Variants in SUDS3 observed in about 807,000 individuals in gnomAD.
The protein encoded by SUDS3 is SIN3A corepressor complex component SDS3.
Under a neutral mutation model 53.5 loss-of-function variants are expected in SUDS3, and 23 were observed. The ratio of observed to expected loss-of-function variants is 0.43; its 90% confidence interval spans 0.31 to 0.61. SUDS3 has a LOEUF of 0.61. Ranked by LOEUF, SUDS3 falls within the 20% of genes least tolerant of loss-of-function variation. SUDS3 has a pLI of 0.10. For missense variants in SUDS3, 291 were observed against 405.9 expected, an observed-to-expected ratio of 0.72 and a Z score of 2.43; for synonymous variants, 150 against 148.5, an observed-to-expected ratio of 1.01 and a Z score of -0.08.
chr12:118,394,097 A>G (rs1322313393), intron 6 of SUDS3, among the ~76,000 whole-genome samples: 1 of 152,228 alleles, frequency 6.6e-6, no homozygotes, highest in Non-Finnish European at 1.5e-5. Context: ...TGAGCCAAGC[A>G]TTACATAAAT....
chr12:118,391,051 A>G (rs773810477), intron 5 of SUDS3, 75 bp from the exon 6 acceptor site: 15 of 1,549,614 alleles, frequency 9.7e-6, no homozygotes, highest in Non-Finnish European at 8.9e-7. Flanking sequence ...GCAGTTGAGG[A>G]CAGGGCTAGA....
Position 118,417,494 on chromosome 12 carries a change from C to G in SUDS3, c.*3061C>G, listed in dbSNP as rs1454034288. On this transcript the variant is annotated 3_prime_UTR_variant, in exon 12 of 12. Coordinates refer to ENST00000543473, the MANE Select transcript of SUDS3 (RefSeq NM_022491.3). ...TCCTGATTAATTTTTTTTTTCTCAT[C>G]TGGGAATTTGAAATCTCGGTGCTTA... 5 of 150,278 alleles carry G rather than the reference C, an allele frequency of 3.3e-5. No homozygotes were observed. Among genetic ancestry groups the G allele is most frequent in the Non-Finnish European group, 5.9e-5 (4 of 67,656 alleles). 9.3% of individuals were successfully genotyped at this position (150,278 alleles called of 1,614,324 possible). A position where few individuals can be genotyped will look rare whatever the true frequency, so the allele number is the denominator to read the frequency against.
chr12:118,411,204 C>T (rs199902691), intron 11 of SUDS3, 47 bp downstream of exon 11: 56 of 1,526,948 alleles, frequency 3.7e-5, no homozygotes, highest in Non-Finnish European at 4.5e-5. Context: ...ATGTGTACTG[C>T]GAAGTGTTGG....
At chr12:118,381,572 G>A (rs531400860) in intron 2 of SUDS3, among the ~76,000 whole-genome samples, 1 of 152,166 alleles carries the variant, frequency 6.6e-6, no homozygotes, top group South Asian at 2.1e-4. Flanking sequence ...TTTTAATAGA[G>A]ACGGGGTTTC....
rs1403449959 is a variant in SUDS3, at chr12:118,417,842, T to A, written c.*3409T>A. 1 of 152,194 alleles carries A rather than the reference T, an allele frequency of 6.6e-6. No homozygotes were observed. Among genetic ancestry groups the A allele is most frequent in the Non-Finnish European group, 1.5e-5 (1 of 68,038 alleles). The allele number at this position is 152,194 out of a possible 1,614,324, so 9.4% of individuals were successfully genotyped here. A position where few individuals can be genotyped will look rare whatever the true frequency, so the allele number is the denominator to read the frequency against. On this transcript the variant is annotated 3_prime_UTR_variant, in exon 12 of 12. Coordinates refer to ENST00000543473, the MANE Select transcript of SUDS3 (RefSeq NM_022491.3). ...GGCAGAGGAAGGGATATTCTAGACA[T>A]TTAATTCTTAGTGAAGACTAAGATA...
Position 118,415,924 on chromosome 12 carries a change from C to T in SUDS3, c.*1491C>T, listed in dbSNP as rs2046396722. 1 of 148,548 alleles carries T rather than the reference C, an allele frequency of 6.7e-6. No homozygotes were observed. Among genetic ancestry groups the T allele is most frequent in the South Asian group, 2.2e-4 (1 of 4,586 alleles). 9.2% of individuals were successfully genotyped at this position (148,548 alleles called of 1,614,324 possible). On this transcript the variant is annotated 3_prime_UTR_variant, in exon 12 of 12. Coordinates refer to ENST00000543473, the MANE Select transcript of SUDS3 (RefSeq NM_022491.3). ...GTTTTAACTTACAATCCGTTTTTTC[C>T]TCTTTTTTTTTTTTTTTTCTGGTGT...
At position 118,391,154 on chromosome 12, in the gene SUDS3, A is replaced by C; in HGVS notation, c.389A>C (p.Lys130Thr). 2 of 1,613,602 alleles carry C rather than the reference A, an allele frequency of 1.2e-6. No homozygotes were observed. The highest frequency in any genetic ancestry group is 1.3e-5 in the African/African-American group (1 of 74,956). ...ETEQVERNYI[K>T]EKKAAVKEFE... Reference sequence around the variant, plus strand: ...GAACAAGTGGAACGAAATTACATTAAAGAAAAGAAGGCAGCAGTGAAAGAA... The same window carrying C: ...GAACAAGTGGAACGAAATTACATTACAGAAAAGAAGGCAGCAGTGAAAGAA... The change falls in exon 6 of 12, where the codon AAA (lysine) becomes ACA (threonine). Residue 130 changes from lysine to threonine, a missense_variant. Transcript: ENST00000543473.
chr12:118,398,062 A>G (rs1177050897), intron 6 of SUDS3, among the ~76,000 whole-genome samples: 1 of 152,168 alleles, frequency 6.6e-6, no homozygotes, highest in Non-Finnish European at 1.5e-5. Context: ...GCTTTCGACT[A>G]TGTAACTTTT....
At chr12:118,389,787 A>G in intron 4 of SUDS3, 140 bp from the exon 5 acceptor site, 1 of 1,009,872 alleles carries the variant, frequency 9.9e-7, no homozygotes, top group Non-Finnish European at 1.5e-6. Flanking sequence ...CTTCGTGTAT[A>G]TCAACATTTC....
At chr12:118,377,500 G>A (rs2046011021) in intron 1 of SUDS3, among the ~76,000 whole-genome samples, 1 of 152,020 alleles carries the variant, frequency 6.6e-6, no homozygotes. Flanking sequence ...TAAATACTCC[G>A]TAAATGTTCT....
rs997410341 is a variant in SUDS3 at position 118,415,838 on chromosome 12, G to C, written c.*1405G>C. On this transcript the variant is annotated 3_prime_UTR_variant, in exon 12 of 12. Coordinates refer to ENST00000543473, the MANE Select transcript of SUDS3 (RefSeq NM_022491.3). Reference sequence around the variant, plus strand: ...TTCTCTGAAGTTCTGGCTCTGCAGAGACCAAACCTTACTGACTTGTACAGA... The same window carrying C: ...TTCTCTGAAGTTCTGGCTCTGCAGACACCAAACCTTACTGACTTGTACAGA... 1.3e-5 allele frequency: 2 copies of C among 151,996 alleles called. No homozygotes were observed. The highest frequency in any genetic ancestry group is 2.4e-5 in the African/African-American group (1 of 41,372). 9.4% of individuals were successfully genotyped at this position (151,996 alleles called of 1,614,324 possible).
rs957506511 is a variant in SUDS3, at chr12:118,416,902, T to C, written c.*2469T>C. 7.9e-5 allele frequency: 12 copies of C among 152,220 alleles called. No homozygotes were observed. Among genetic ancestry groups the C allele is most frequent in the African/African-American group, 2.9e-4 (12 of 41,448 alleles). The allele number at this position is 152,220 out of a possible 1,614,324, so 9.4% of individuals were successfully genotyped here. The stretch of plus-strand genomic sequence containing the variant: ...GATGAATTTCCAAGTTTAAACTCTT[T>C]CCTGCAGGTGATTACTTTGAAAAAG... On this transcript the variant is annotated 3_prime_UTR_variant, in exon 12 of 12. Coordinates refer to ENST00000543473, the MANE Select transcript of SUDS3 (RefSeq NM_022491.3).
intron 10 of SUDS3, 151 bp from the exon 11 acceptor site, chr12:118,410,922 C>T: frequency 1.5e-6 from 1 of 687,564 alleles, no homozygotes; most frequent in Non-Finnish European, 2.4e-6. Flanking sequence ...TTAAATTAAG[C>T]TAAATGGGAA....
At chr12:118,391,067 A>G (rs2141370792) in intron 5 of SUDS3, 59 bp from the exon 6 acceptor site, 1 of 1,598,534 alleles carries the variant, frequency 6.3e-7, no homozygotes, top group South Asian at 1.1e-5. Flanking sequence ...CTAGACTTTG[A>G]GTTGGAGCCC....
rs1566215800 is a variant in SUDS3, at chr12:118,417,597, GTGA to G, written c.*3167_*3169del. The G allele has an allele frequency of 1.3e-5, 2 of 151,576 alleles. No individual in the cohort carries two copies. Among genetic ancestry groups the G allele is most frequent in the Non-Finnish European group, 2.9e-5 (2 of 67,992 alleles). 9.4% of individuals were successfully genotyped at this position (151,576 alleles called of 1,614,324 possible). A position where few individuals can be genotyped will look rare whatever the true frequency, so the allele number is the denominator to read the frequency against. On this transcript the variant is annotated 3_prime_UTR_variant, in exon 12 of 12. Coordinates refer to ENST00000543473, the MANE Select transcript of SUDS3 (RefSeq NM_022491.3). ...GTAAATTTGCAGCCATTTCAAGCAG[GTGA>G]TGGTCTTTTTTTATAACATCGTTAA...
intron 10 of SUDS3, among the ~76,000 whole-genome samples, chr12:118,408,608 A>G (rs1271080954): frequency 6.6e-6 from 1 of 152,112 alleles, no homozygotes; most frequent in African/African-American, 2.4e-5. Flanking sequence ...TGCTGGGATT[A>G]CAGGCGTGAG....
intron 4 of SUDS3, among the ~76,000 whole-genome samples, chr12:118,388,453 G>T (rs1382355257): frequency 1.3e-5 from 2 of 152,178 alleles, no homozygotes; most frequent in Non-Finnish European, 2.9e-5. Flanking sequence ...CCAGGAAAGA[G>T]TAGAAGCCAT....
intron 2 of SUDS3, 62 bp from the exon 3 acceptor site, chr12:118,383,950 G>A: frequency 1.4e-6 from 2 of 1,474,246 alleles, no homozygotes; most frequent in Non-Finnish European, 1.9e-6. Context: ...CTGTGAGTAG[G>A]TTATTTTGGA....
chr12:118,410,961 T>C lies in SUDS3; in HGVS notation c.804-112T>C. The C allele has an allele frequency of 8.0e-6, 7 of 878,946 alleles. No individual in the cohort carries two copies. In the South Asian group the frequency reaches 1.0e-4, roughly 13 times the overall value. 54.4% of individuals were successfully genotyped at this position (878,946 alleles called of 1,614,324 possible). ...CAGGCTATTCCTCAAATGTGAATTA[T>C]TAAGACTTCTTTAATTATAATTTTT... On this transcript the variant is annotated intron_variant, in intron 10 of 11. Transcript: ENST00000543473.
Sources: allele counts gnomAD v4.1 joint callset (sites outside exome capture counted in the v4.1 genomes callset), GRCh38; gene constraint gnomAD v4.1.1; transcripts MANE v1.5; gene names NCBI Gene and HGNC (gene_info 2026-07-23, HGNC 2026-07-21).